ACACA: variants seen among roughly 807,000 people sequenced by gnomAD.
The protein encoded by ACACA is acetyl-CoA carboxylase alpha.
In ACACA, 103 loss-of-function variants were observed where a neutral mutation model predicts 296.1. The ratio of observed to expected loss-of-function variants is 0.35; its 90% confidence interval spans 0.30 to 0.41. ACACA has a LOEUF of 0.41. ACACA is among the 10% of genes least tolerant of loss of function. The probability of loss-of-function intolerance (pLI) is 1.00; values close to 1 mark genes in which losing one functional copy is unlikely to be tolerated. For synonymous variants in ACACA, 953 were observed against 1,038.6 expected, an observed-to-expected ratio of 0.92 and a Z score of 1.58; for missense variants, 1,554 against 2,989.7, an observed-to-expected ratio of 0.52 and a Z score of 11.20.
chr17:37,283,980 A>G (rs2082661052), intron 4 of ACACA, among the ~76,000 whole-genome samples: 1 of 152,226 alleles, frequency 6.6e-6, no homozygotes. Flanking sequence ...CTCCTTACCT[A>G]TCTTGCAGTC....
At chr17:37,329,134 C>G (rs2047744696) in intron 3 of ACACA, 1 of 395,720 alleles carries the variant, frequency 2.5e-6, no homozygotes, top group Admixed American at 4.4e-5. Flanking sequence ...GCTCTATTAA[C>G]AGCCCTTTAT....
At chr17:37,094,998 C>T (rs186174989) in intron 54 of ACACA, among the ~76,000 whole-genome samples, 15 of 152,350 alleles carry the variant, frequency 9.8e-5, no homozygotes, top group Admixed American at 5.2e-4. Context: ...TGATAAGAGA[C>T]GGCAGTGACC....
chr17:37,211,865 T>C (rs2078763018), intron 29 of ACACA, among the ~76,000 whole-genome samples: 1 of 152,132 alleles, frequency 6.6e-6, no homozygotes, highest in African/African-American at 2.4e-5. Context: ...AACCTGAACC[T>C]TTGCTGTTTG....
intron 46 of ACACA, 75 bp from the exon 47 acceptor site, chr17:37,129,560 T>C (rs9789070): frequency 0.23 from 364,459 of 1,595,736 alleles, 45,228 homozygotes; most frequent in East Asian, 0.43. Flanking sequence ...ACAATAGTTA[T>C]AGACAAAGAC....
intron 4 of ACACA, 65 bp from the exon 5 acceptor site, chr17:37,283,470 A>G: frequency 1.3e-6 from 2 of 1,566,972 alleles, no homozygotes; most frequent in Non-Finnish European, 1.8e-6. Flanking sequence ...GGAGGAAAAG[A>G]GATGAGAGAA....
At chr17:37,147,353 G>A (rs75264716) in intron 45 of ACACA, among the ~76,000 whole-genome samples, 3,084 of 152,182 alleles carry the variant, frequency 0.02, 103 homozygotes, top group African/African-American at 0.07. Context: ...CAGACACAAA[G>A]AGACAGAAAG....
intron 1 of ACACA, among the ~76,000 whole-genome samples, chr17:37,355,562 A>G (rs1166954740): frequency 1.3e-5 from 2 of 151,860 alleles, no homozygotes; most frequent in Admixed American, 1.3e-4. Context: ...TCTCAAAAAA[A>G]TAAAATAAAA....
chr17:37,191,346 A>G, intron 37 of ACACA, 71 bp from the exon 38 acceptor site: 1 of 1,422,682 alleles, frequency 7.0e-7, no homozygotes, highest in Non-Finnish European at 9.8e-7. Context: ...TATTATAATC[A>G]CTTAAGCAGC....
At chr17:37,114,250 A>C (rs1340532490) in intron 50 of ACACA, among the ~76,000 whole-genome samples, 1 of 152,114 alleles carries the variant, frequency 6.6e-6, no homozygotes, top group African/African-American at 2.4e-5. Flanking sequence ...GCTAAAGACT[A>C]CACTTTGTAG....
intron 3 of ACACA, among the ~76,000 whole-genome samples, chr17:37,305,035 T>C (rs1390987770): frequency 6.6e-6 from 1 of 152,244 alleles, no homozygotes; most frequent in Non-Finnish European, 1.5e-5. Flanking sequence ...TTGAAATCTT[T>C]GTTAAATCCA....
At chr17:37,305,417 G>A (rs939129) in intron 3 of ACACA, among the ~76,000 whole-genome samples, 2 of 152,232 alleles carry the variant, frequency 1.3e-5, no homozygotes, top group Admixed American at 1.3e-4. Context: ...TCACCCCTAT[G>A]TCTGTGTAGC....
intron 3 of ACACA, among the ~76,000 whole-genome samples, chr17:37,315,529 T>A (rs922352195): frequency 6.6e-6 from 1 of 152,198 alleles, no homozygotes; most frequent in South Asian, 2.1e-4. Flanking sequence ...CAGATACCAG[T>A]TGCAAATCCC....
At chr17:37,174,427 C>T (rs2077030569) in intron 41 of ACACA, among the ~76,000 whole-genome samples, 1 of 152,132 alleles carries the variant, frequency 6.6e-6, no homozygotes, top group Non-Finnish European at 1.5e-5. Context: ...AAAACCCTGA[C>T]ACCTAGCGCC....
At chr17:37,391,896 C>T (rs904117247) in intron 1 of ACACA, 6 of 630,912 alleles carry the variant, frequency 9.5e-6, no homozygotes, top group African/African-American at 1.8e-5. Context: ...ACCCTCATGC[C>T]CCTATCTGAG....
intron 52 of ACACA, among the ~76,000 whole-genome samples, chr17:37,103,212 A>T (rs562662163): frequency 1.3e-5 from 2 of 152,306 alleles, no homozygotes; most frequent in South Asian, 4.1e-4. Flanking sequence ...AAATATGTCA[A>T]TGTCTATTTT....
chr17:37,209,610 A>C (rs561502773), intron 30 of ACACA, among the ~76,000 whole-genome samples: 1 of 152,288 alleles, frequency 6.6e-6, no homozygotes, highest in Admixed American at 6.5e-5. Flanking sequence ...TCCACATCCA[A>C]ATTGGGATCT....
intron 1 of ACACA, among the ~76,000 whole-genome samples, chr17:37,377,489 A>T (rs199640713): frequency 7.2e-5 from 11 of 151,888 alleles, no homozygotes; most frequent in Non-Finnish European, 1.6e-4. Context: ...GCGAAACCCC[A>T]TCTCTACTAA....
chr17:37,307,185 C>T (rs978342125), intron 3 of ACACA, among the ~76,000 whole-genome samples: 1 of 152,172 alleles, frequency 6.6e-6, no homozygotes, highest in African/African-American at 2.4e-5. Flanking sequence ...TGAATTTTGA[C>T]AATATTTGCT....
At chr17:37,235,236 TACAGAAA>T in intron 24 of ACACA, 137 bp from the exon 25 acceptor site, 2 of 1,142,842 alleles carry the variant, frequency 1.8e-6, no homozygotes, top group Non-Finnish European at 2.6e-6. Context: ...GATGGATTTG[TACAGAAA>T]CTGGCAATGT....
Sources: gnomAD v4.1 joint callset for allele counts (sites outside exome capture counted in the v4.1 genomes callset) on GRCh38, gnomAD v4.1.1 for gene constraint, MANE v1.5 for transcripts, NCBI Gene and HGNC (gene_info 2026-07-23, HGNC 2026-07-21) for gene names.